CARHSP1: variants seen among roughly 807,000 people sequenced by gnomAD.
The protein encoded by CARHSP1 is calcium-regulated heat-stable protein 1.
In CARHSP1, 14 loss-of-function variants were observed where a neutral mutation model predicts 12.5. That is an observed-to-expected ratio of 1.12 (90% CI 0.74 to 1.75). The LOEUF (loss-of-function observed/expected upper bound fraction) is 1.75. Ranked by LOEUF, CARHSP1 falls within the 40% of genes most tolerant of loss-of-function variation. The pLI is 0.00. For synonymous variants in CARHSP1, 161 were observed against 82.0 expected, an observed-to-expected ratio of 1.96 and a Z score of -5.20; for missense variants, 343 against 201.6, an observed-to-expected ratio of 1.70 and a Z score of -4.25.
At position 8,860,638 on chromosome 16, in the gene CARHSP1, G is replaced by A. The variant is rs570890634; in HGVS notation, c.-7-1303C>T. ...TGCGCAGGGCTGGTGATGGGGGTAC[G>A]AGATGAAGTAGGGAGAAGCCTAACT... On this transcript the variant is annotated intron_variant, in intron 1 of 3. Transcript: ENST00000311052. 2.6e-3 allele frequency: 629 copies of A among 242,052 alleles called. 6 individuals carry two copies. The highest frequency in any genetic ancestry group is 0.018 in the African/African-American group (583 of 32,978). 15.0% of individuals were successfully genotyped at this position (242,052 alleles called of 1,614,324 possible). A position where few individuals can be genotyped will look rare whatever the true frequency, so the allele number is the denominator to read the frequency against.
chr16:8,855,664 C>T lies in CARHSP1; in HGVS notation c.282-338G>A, dbSNP rs1481039024. On this transcript the variant is annotated intron_variant, in intron 3 of 3. Transcript: ENST00000311052. ...GACTGAAGAGTAAAGACAGCCAGTC[C>T]AAGCCAGAGAGCCAGAGAGAAACAA... 3.3e-5 allele frequency among the ~76,000 whole-genome samples: 5 copies of T among 150,694 alleles called. No individual in the cohort carries two copies. In the East Asian group the frequency reaches 5.8e-4, roughly 17 times the overall value.
At chr16:8,866,874 C>T (rs2061464448) in intron 1 of CARHSP1, among the ~76,000 whole-genome samples, 1 of 152,136 alleles carries the variant, frequency 6.6e-6, no homozygotes, top group African/African-American at 2.4e-5. Context: ...GCGCCTACGT[C>T]TGCCCAGAGC....
At chr16:8,858,586 T>A in intron 2 of CARHSP1, 114 bp from the exon 3 acceptor site, 1 of 1,312,806 alleles carries the variant, frequency 7.6e-7, no homozygotes, top group Non-Finnish European at 1.0e-6. Context: ...GACCGCCATG[T>A]ACAGTCACAC....
chr16:8,860,554 T>A (rs2061320104), intron 1 of CARHSP1: 1 of 983,362 alleles, frequency 1.0e-6, no homozygotes, highest in African/African-American at 1.7e-5. Context: ...CTTTCCCATC[T>A]CTGGGCTCAG....
intron 1 of CARHSP1, chr16:8,860,061 T>A (rs1023390652): frequency 3.6e-5 from 30 of 844,638 alleles, no homozygotes; most frequent in Admixed American, 1.9e-4. Context: ...TCCCTGACGC[T>A]GCTGGGAGCC....
intron 3 of CARHSP1, among the ~76,000 whole-genome samples, chr16:8,856,434 C>G (rs1320294454): frequency 6.6e-6 from 1 of 152,220 alleles, no homozygotes. Flanking sequence ...GCAGCAGAAC[C>G]AGACATCACA....
At chr16:8,860,508 G>GA (rs1379315597) in intron 1 of CARHSP1, 22 of 985,444 alleles carry the variant, frequency 2.2e-5, no homozygotes, top group Middle Eastern at 5.2e-4. Context: ...AGGGGAAAGA[G>GA]AAACAGTCCA....
intron 1 of CARHSP1, among the ~76,000 whole-genome samples, chr16:8,866,913 T>A (rs1405502664): frequency 6.6e-6 from 1 of 152,054 alleles, no homozygotes; most frequent in Non-Finnish European, 1.5e-5. Context: ...AAGCTGGGAA[T>A]AGCTCTTCCG....
chr16:8,858,538 C>G, intron 2 of CARHSP1, 66 bp from the exon 3 acceptor site: 1 of 1,579,776 alleles, frequency 6.3e-7, no homozygotes, highest in South Asian at 1.1e-5. Flanking sequence ...CTCATTCCAG[C>G]CCCTGCCCAC....
chr16:8,855,160 T>G lies in CARHSP1; in HGVS notation c.*4A>C. The G allele has an allele frequency of 6.4e-7, 1 of 1,571,514 alleles. No individual in the cohort carries two copies. Among genetic ancestry groups the G allele is most frequent in the Non-Finnish European group, 8.7e-7 (1 of 1,154,618 alleles). ...CACAGGACAAGGGGTGCTTCCACCATCTCCTAGGAGCTGATGACATGTCCA... is the reference window on the plus strand; with the variant it reads ...CACAGGACAAGGGGTGCTTCCACCAGCTCCTAGGAGCTGATGACATGTCCA... On this transcript the variant is annotated 3_prime_UTR_variant, in exon 4 of 4. Transcript: ENST00000311052.
chr16:8,859,270 A>G lies in CARHSP1; in HGVS notation c.59T>C (p.Leu20Pro). The G allele has an allele frequency of 6.2e-7, 1 of 1,602,448 alleles. No homozygotes were observed. Among genetic ancestry groups the G allele is most frequent in the South Asian group, 1.1e-5 (1 of 89,428 alleles). The change falls in exon 2 of 4, where the codon CTG (leucine) becomes CCG (proline). Residue 20 changes from leucine to proline, a missense_variant. Coordinates refer to ENST00000311052, the MANE Select transcript of CARHSP1 (RefSeq NM_014316.4). ...QPPTHQASVG[L>P]LDTPRSRERS... ...CTCACGGCTCCGAGGGGTGTCCAGC[A>G]GCCCGACTGAAGCTTGATGGGTGGG...
intron 1 of CARHSP1, among the ~76,000 whole-genome samples, chr16:8,864,842 G>C (rs1567190491): frequency 6.6e-6 from 1 of 152,218 alleles, no homozygotes; most frequent in African/African-American, 2.4e-5. Flanking sequence ...AGGCTCTGCA[G>C]CTCCTCCTGG....
At position 8,861,500 on chromosome 16, in the gene CARHSP1, T is replaced by G. The variant is rs558478359; in HGVS notation, c.-7-2165A>C. 14 of 797,802 alleles carry G rather than the reference T, an allele frequency of 1.8e-5. No homozygotes were observed. The African/African-American group carries it at 2.5e-4, about 14-fold the overall frequency. 49.4% of individuals were successfully genotyped at this position (797,802 alleles called of 1,614,324 possible). ...GCACCCCCCGAACCGCCTTCAAGCA[T>G]AGCCACCCAAGAACCAGGCCCGACT... On this transcript the variant is annotated intron_variant, in intron 1 of 3. Transcript: ENST00000311052.
intron 1 of CARHSP1, among the ~76,000 whole-genome samples, chr16:8,865,913 T>C (rs948525511): frequency 2.0e-5 from 3 of 152,218 alleles, no homozygotes; most frequent in Non-Finnish European, 4.4e-5. Flanking sequence ...AAATGCAGAT[T>C]GCCATTCAGC....
At chr16:8,866,313 T>G (rs1390275653) in intron 1 of CARHSP1, 1 of 456,134 alleles carries the variant, frequency 2.2e-6, no homozygotes, top group Non-Finnish European at 2.9e-6. Flanking sequence ...AACACGGCAG[T>G]AGCCGGGCTA....
At chr16:8,857,576 G>T (rs2061180749) in intron 3 of CARHSP1, 1 of 136,844 alleles carries the variant, frequency 7.3e-6, no homozygotes, top group Non-Finnish European at 1.5e-5. Context: ...ACAGGTGTGA[G>T]CCACCATGCC....
chr16:8,861,931 T>G (rs2061367664), intron 1 of CARHSP1: 1 of 415,834 alleles, frequency 2.4e-6, no homozygotes, highest in Non-Finnish European at 3.4e-6. Flanking sequence ...GACACTGCCC[T>G]GCCTTGTTCT....
chr16:8,861,079 G>A (rs2061338626), intron 1 of CARHSP1, among the ~76,000 whole-genome samples: 1 of 143,498 alleles, frequency 7.0e-6, no homozygotes, highest in Non-Finnish European at 1.5e-5. Context: ...TTATTTTTTT[G>A]AGACAGTGTC....
chr16:8,862,152 G>A (rs528343642), intron 1 of CARHSP1, among the ~76,000 whole-genome samples: 2 of 151,808 alleles, frequency 1.3e-5, no homozygotes, highest in South Asian at 2.1e-4. Context: ...ACAGGTGCCC[G>A]CCATCACGCC....
Sources: allele counts gnomAD v4.1 joint callset (sites outside exome capture counted in the v4.1 genomes callset), GRCh38; gene constraint gnomAD v4.1.1; transcripts MANE v1.5; gene names NCBI Gene and HGNC (gene_info 2026-07-23, HGNC 2026-07-21).